The following PDE5A variants were observed in gnomAD, a reference collection of about 807,000 sequenced individuals.
The protein encoded by PDE5A is cGMP-specific 3',5'-cyclic phosphodiesterase.
In PDE5A, 67 loss-of-function variants were observed where a neutral mutation model predicts 110.2. The observed-to-expected ratio is 0.61, with a 90% CI of 0.50 to 0.75. PDE5A has a LOEUF of 0.75. Ranked by LOEUF, PDE5A falls within the 30% of genes least tolerant of loss-of-function variation. The probability of loss-of-function intolerance (pLI) is 0.00; values close to 1 mark genes in which losing one functional copy is unlikely to be tolerated. For missense variants in PDE5A, 862 were observed against 1,045.1 expected, an observed-to-expected ratio of 0.82 and a Z score of 2.42; for synonymous variants, 328 against 351.2, an observed-to-expected ratio of 0.93 and a Z score of 0.74.
chr4:119,498,576 T>C lies in PDE5A; in HGVS notation c.*25A>G. ...TGCAGAACACACCATCTCTGTAAAC[T>C]TCAACTCTGCATGAAATAGGCCACT... is the stretch of plus-strand genomic sequence containing the variant. On this transcript the variant is annotated 3_prime_UTR_variant, in exon 21 of 21. Transcript: ENST00000354960. 1 of 1,613,658 alleles carries C rather than the reference T, an allele frequency of 6.2e-7. No individual in the cohort carries two copies. Among genetic ancestry groups the C allele is most frequent in the South Asian group, 1.1e-5 (1 of 91,066 alleles).
At chr4:119,588,510 G>C (rs1045132407) in intron 3 of PDE5A, among the ~76,000 whole-genome samples, 2 of 133,584 alleles carry the variant, frequency 1.5e-5, no homozygotes, top group African/African-American at 5.6e-5. Context: ...TTAAAAGCAA[G>C]TATCTTCTTT....
At chr4:119,538,815 G>A in intron 11 of PDE5A, 145 bp downstream of exon 11, 1 of 706,464 alleles carries the variant, frequency 1.4e-6, no homozygotes, top group Non-Finnish European at 2.6e-6. Context: ...AATGCCTTTT[G>A]CTTTGTATTA....
At chr4:119,610,787 T>A (rs1282368832) in intron 1 of PDE5A, among the ~76,000 whole-genome samples, 1 of 152,172 alleles carries the variant, frequency 6.6e-6, no homozygotes, top group Non-Finnish European at 1.5e-5. Context: ...CCAATCTGCT[T>A]ATTTCTATCT....
intron 15 of PDE5A, among the ~76,000 whole-genome samples, chr4:119,510,403 T>G (rs1409919175): frequency 6.6e-6 from 1 of 152,064 alleles, no homozygotes; most frequent in East Asian, 1.9e-4. Flanking sequence ...AAACTTTCAT[T>G]TTTTCTTATT....
chr4:119,500,282 C>G (rs1005297608), intron 20 of PDE5A: 1 of 143,420 alleles, frequency 7.0e-6, no homozygotes, highest in Non-Finnish European at 1.5e-5. Flanking sequence ...TTTTTTTTCT[C>G]CATGGTTCTT....
At position 119,612,790 on chromosome 4, in the gene PDE5A, T is replaced by G. The variant is rs532995354; in HGVS notation, c.153-5493A>C. ...AGCATCTGAAACTGTGAGCAACAAA[T>G]TTGTGTTTATAAATTATCCAGTCTA... On this transcript the variant is annotated intron_variant, in intron 1 of 20. Coordinates refer to ENST00000354960, the MANE Select transcript of PDE5A (RefSeq NM_001083.4). 2.0e-5 allele frequency among the ~76,000 whole-genome samples: 3 copies of G among 152,340 alleles called. No homozygotes were observed. The East Asian group carries it at 5.8e-4, about 29-fold the overall frequency.
chr4:119,529,342 G>C (rs778169450), intron 11 of PDE5A, among the ~76,000 whole-genome samples: 1 of 152,056 alleles, frequency 6.6e-6, no homozygotes, highest in Non-Finnish European at 1.5e-5. Context: ...TGATAGCAAG[G>C]CTCCATTAAC....
At chr4:119,521,354 G>A (rs1726121929) in intron 12 of PDE5A, among the ~76,000 whole-genome samples, 2 of 151,620 alleles carry the variant, frequency 1.3e-5, no homozygotes, top group Admixed American at 6.6e-5. Flanking sequence ...TTTTTGGCAG[G>A]GTAGGGCACT....
At chr4:119,510,579 CATATGCTTTCTTATGTTGATAA>C (rs1409183051) in intron 15 of PDE5A, among the ~76,000 whole-genome samples, 1 of 151,992 alleles carries the variant, frequency 6.6e-6, no homozygotes, top group Non-Finnish European at 1.5e-5. Context: ...CATAGCATAG[CATATGCTTTCTTATGTTGATAA>C]ATATTCATTT....
chr4:119,627,591 T>A lies in PDE5A; in HGVS notation c.152+929A>T, dbSNP rs1730406884. 6.6e-6 allele frequency: 1 copy of A among 152,660 alleles called. No homozygotes were observed. The highest frequency in any genetic ancestry group is 2.1e-4 in the South Asian group (1 of 4,832). 9.5% of individuals were successfully genotyped at this position (152,660 alleles called of 1,614,324 possible). On this transcript the variant is annotated intron_variant, in intron 1 of 20. Coordinates refer to ENST00000354960, the MANE Select transcript of PDE5A (RefSeq NM_001083.4). This position sits in a 1 kb window ranked among gnomAD's most constrained non-coding sequence, Gnocchi z 4.6. ...CGCACCCCGACTATGCATCAATTCC[T>A]CAGGCTTCGGGGCACCCGCCCGCCA...
chr4:119,513,801 T>G (rs1725824188), intron 14 of PDE5A, among the ~76,000 whole-genome samples: 1 of 152,196 alleles, frequency 6.6e-6, no homozygotes, highest in Admixed American at 6.6e-5. Flanking sequence ...AAGTTAGAAC[T>G]TCAAACACAC....
intron 9 of PDE5A, among the ~76,000 whole-genome samples, chr4:119,547,217 C>T (rs1279114301): frequency 1.3e-5 from 2 of 151,364 alleles, no homozygotes; most frequent in African/African-American, 2.4e-5. Flanking sequence ...TAGAAATTCC[C>T]CATTTCACCA....
At chr4:119,580,083 C>G (rs1560625442) in intron 3 of PDE5A, among the ~76,000 whole-genome samples, 1 of 152,074 alleles carries the variant, frequency 6.6e-6, no homozygotes, top group Non-Finnish European at 1.5e-5. Flanking sequence ...CTGTCCTGCC[C>G]CAGGAACATC....
chr4:119,597,318 C>CT (rs1729188316), intron 2 of PDE5A, among the ~76,000 whole-genome samples: 1 of 134,496 alleles, frequency 7.4e-6, no homozygotes, highest in Non-Finnish European at 1.6e-5. Flanking sequence ...TTTTTTTTTT[C>CT]TTTTTTTGTT....
At chr4:119,575,598 T>C (rs1254469943) in intron 3 of PDE5A, among the ~76,000 whole-genome samples, 1 of 151,988 alleles carries the variant, frequency 6.6e-6, no homozygotes, top group African/African-American at 2.4e-5. Context: ...GCTTCATAAG[T>C]GAAGGAGAAA....
At chr4:119,619,227 T>C (rs1432153525) in intron 1 of PDE5A, among the ~76,000 whole-genome samples, 1 of 152,224 alleles carries the variant, frequency 6.6e-6, no homozygotes, top group Non-Finnish European at 1.5e-5. Context: ...TTCAGTTACG[T>C]TGTTTGCATA....
chr4:119,581,101 A>G (rs1728574453), intron 3 of PDE5A, among the ~76,000 whole-genome samples: 1 of 152,224 alleles, frequency 6.6e-6, no homozygotes, highest in Non-Finnish European at 1.5e-5. Context: ...ATGTCTCTAT[A>G]GCCTTGTAAA....
intron 11 of PDE5A, among the ~76,000 whole-genome samples, chr4:119,530,490 T>C (rs1361576221): frequency 2.0e-5 from 3 of 152,142 alleles, no homozygotes; most frequent in Non-Finnish European, 2.9e-5. Context: ...TTGAGACATA[T>C]GAAAAGATCT....
chr4:119,533,142 T>C (rs1393415670), intron 11 of PDE5A, among the ~76,000 whole-genome samples: 2 of 152,236 alleles, frequency 1.3e-5, no homozygotes, highest in African/African-American at 4.8e-5. Flanking sequence ...ATATAAATGG[T>C]CCACAGGAAA....
Sources: allele counts gnomAD v4.1 joint callset (sites outside exome capture counted in the v4.1 genomes callset), GRCh38; gene constraint gnomAD v4.1.1; non-coding constraint Gnocchi (gnomAD v3.1); transcripts MANE v1.5; gene names NCBI Gene and HGNC (gene_info 2026-07-23, HGNC 2026-07-21).